Variants in ZNF609 observed in about 807,000 individuals in gnomAD.
ZNF609 encodes the protein zinc finger protein 609.
A neutral mutation model predicts 109.5 loss-of-function variants in ZNF609; 11 were observed. The observed-to-expected ratio is 0.10, with a 90% CI of 0.06 to 0.17. ZNF609 has a LOEUF of 0.17. Among genes scored for constraint, ZNF609 ranks in the 10% least tolerant of loss-of-function variants. ZNF609 has a pLI of 1.00. For synonymous variants in ZNF609, 646 were observed against 662.0 expected (o/e 0.98, Z 0.37); for missense variants, 1,559 against 1,772.4 (o/e 0.88, Z 2.16).
At chr15:64,522,420 T>C (rs1057127768) in intron 2 of ZNF609, among the ~76,000 whole-genome samples, 2 of 152,224 alleles carry the variant, frequency 1.3e-5, no homozygotes, top group African/African-American at 4.8e-5. Flanking sequence ...TTTAAGCATC[T>C]TTAATTTTCC....
chr15:64,517,637 A>G (rs1893832603), intron 2 of ZNF609, among the ~76,000 whole-genome samples: 1 of 152,048 alleles, frequency 6.6e-6, no homozygotes, highest in Non-Finnish European at 1.5e-5. Context: ...TGGAAGGCTG[A>G]GGTGGGAAGT....
At chr15:64,613,924 T>A (rs1309413807) in intron 2 of ZNF609, among the ~76,000 whole-genome samples, 1 of 151,232 alleles carries the variant, frequency 6.6e-6, no homozygotes, top group East Asian at 2.0e-4. Context: ...GAAGATTTTT[T>A]TTTTTCTGAT....
chr15:64,559,333 T>C (rs1435714526), intron 2 of ZNF609, among the ~76,000 whole-genome samples: 3 of 152,182 alleles, frequency 2.0e-5, no homozygotes, highest in African/African-American at 7.2e-5. Context: ...TCTTGGTTAA[T>C]CAGGCAGGTG....
At chr15:64,590,414 T>C (rs1895273295) in intron 2 of ZNF609, among the ~76,000 whole-genome samples, 1 of 152,036 alleles carries the variant, frequency 6.6e-6, no homozygotes, top group Non-Finnish European at 1.5e-5. Flanking sequence ...CTCTGCTTCC[T>C]GGTTTCAAGT....
At chr15:64,579,074 AC>A (rs986125665) in intron 2 of ZNF609, among the ~76,000 whole-genome samples, 2 of 139,020 alleles carry the variant, frequency 1.4e-5, no homozygotes, top group African/African-American at 6.8e-5. Flanking sequence ...AAATTATAAA[AC>A]AAAAAAGATT....
intron 1 of ZNF609, among the ~76,000 whole-genome samples, chr15:64,475,491 C>T (rs949875781): frequency 6.6e-4 from 98 of 147,536 alleles, no homozygotes; most frequent in African/African-American, 2.2e-3. Context: ...CAGGTTCAAG[C>T]GATTCTCCTG....
intron 2 of ZNF609, among the ~76,000 whole-genome samples, chr15:64,606,558 C>CAA (rs71133455): frequency 2.2e-5 from 2 of 92,680 alleles, no homozygotes; most frequent in African/African-American, 4.0e-5. Context: ...GACTCCATCT[C>CAA]AAAAAAAAAA....
intron 2 of ZNF609, among the ~76,000 whole-genome samples, chr15:64,528,423 G>GT (rs1296355685): frequency 2.0e-5 from 3 of 150,868 alleles, no homozygotes; most frequent in South Asian, 4.2e-4. Context: ...TTTTTTGTGG[G>GT]TTTTTTTATT....
At chr15:64,605,468 C>G (rs1792747098) in intron 2 of ZNF609, among the ~76,000 whole-genome samples, 1 of 152,130 alleles carries the variant, frequency 6.6e-6, no homozygotes, top group South Asian at 2.1e-4. Flanking sequence ...TTGCAAGACA[C>G]TAGAAAGGTG....
chr15:64,463,804 G>A (rs943383485), intron 1 of ZNF609, among the ~76,000 whole-genome samples: 1 of 152,198 alleles, frequency 6.6e-6, no homozygotes, highest in East Asian at 1.9e-4. Context: ...TTCCAACTCT[G>A]TGTCCTAGGA....
intron 1 of ZNF609, among the ~76,000 whole-genome samples, chr15:64,491,785 C>T (rs555174202): frequency 6.6e-6 from 1 of 152,192 alleles, no homozygotes; most frequent in East Asian, 1.9e-4. Flanking sequence ...GTGGAGGTTG[C>T]AGTGAGCTGA....
At chr15:64,652,341 ATATAT>A (rs112706016) in intron 3 of ZNF609, among the ~76,000 whole-genome samples, 6,898 of 148,906 alleles carry the variant, frequency 0.046, 526 homozygotes, top group African/African-American at 0.16. Flanking sequence ...TATTTTATAT[ATATAT>A]TTTTAGCCGG....
At chr15:64,550,603 T>C (rs1193550750) in intron 2 of ZNF609, among the ~76,000 whole-genome samples, 1 of 151,862 alleles carries the variant, frequency 6.6e-6, no homozygotes, top group Non-Finnish European at 1.5e-5. Context: ...TCCCAGCACT[T>C]TGGGAGGCCA....
chr15:64,567,252 G>C (rs958734230), intron 2 of ZNF609, among the ~76,000 whole-genome samples: 1 of 152,094 alleles, frequency 6.6e-6, no homozygotes, highest in Non-Finnish European at 1.5e-5. Flanking sequence ...TTGGGAGGCC[G>C]AGGCGTGTGG....
In ZNF609 at chr15:64,676,011, G is replaced by T. The variant is rs747878896; in HGVS notation, c.3157G>T (p.Ala1053Ser). The change falls in exon 5 of 10, where the codon GCC (alanine) becomes TCC (serine). Residue 1053 changes from alanine (A) to serine (S), a missense_variant. Physicochemically the swap from Ala to Ser is moderately conservative, Grantham distance 99. Around this residue, in one of 4 missense-constraint regions of ZNF609, gnomAD observed 1,204 missense variants for 1,314.1 expected, o/e 0.92. Coordinates refer to ENST00000326648, the MANE Select transcript of ZNF609 (RefSeq NM_015042.2). ...GTCAATTCCACCAACTCTCACCAAG[G>T]CCCCCAGCCTGACAGACCTGGTGAA... ...KPSIPPTLTK[A>S]PSLTDLVKSG... 6.2e-7 allele frequency: 1 copy of T among 1,614,068 alleles called. No homozygotes were observed. Among genetic ancestry groups the T allele is most frequent in the Admixed American group, 1.7e-5 (1 of 60,004 alleles).
At chr15:64,494,006 C>T (rs538393872) in intron 1 of ZNF609, among the ~76,000 whole-genome samples, 22 of 152,248 alleles carry the variant, frequency 1.4e-4, no homozygotes, top group Non-Finnish European at 3.1e-4. Flanking sequence ...AAATGTACCA[C>T]CAAAGTTACT....
chr15:64,672,539 C>T (rs556615950), intron 4 of ZNF609, among the ~76,000 whole-genome samples: 4 of 145,514 alleles, frequency 2.7e-5, no homozygotes, highest in East Asian at 2.1e-4. Context: ...GCAGGAGAAC[C>T]GCTTGAACCA....
chr15:64,627,304 A>G (rs780931891), intron 3 of ZNF609, among the ~76,000 whole-genome samples: 30 of 152,182 alleles, frequency 2.0e-4, no homozygotes, highest in African/African-American at 3.1e-4. Context: ...AAAGCAGACT[A>G]TGTACTTTTA....
At chr15:64,529,185 C>T in intron 2 of ZNF609, 1 of 736,288 alleles carries the variant, frequency 1.4e-6, no homozygotes, top group South Asian at 1.4e-5. Context: ...CATGGATGAC[C>T]TTGGCTGGGG....
Sources: gnomAD v4.1 joint callset for allele counts (sites outside exome capture counted in the v4.1 genomes callset) on GRCh38, gnomAD v4.1.1 for gene constraint, gnomAD v4.1.1 regional missense constraint, MANE v1.5 for transcripts, NCBI Gene and HGNC (gene_info 2026-07-23, HGNC 2026-07-21) for gene names.